The following CAND1 variants were observed in gnomAD, a reference collection of about 807,000 sequenced individuals.
The protein encoded by CAND1 is cullin-associated NEDD8-dissociated protein 1.
In CAND1, 7 loss-of-function variants were observed where a neutral mutation model predicts 108.5. The ratio of observed to expected loss-of-function variants is 0.06; its 90% CI spans 0.04 to 0.12. The LOEUF is 0.12. Ranked by LOEUF, CAND1 falls within the 10% of genes least tolerant of loss-of-function variation. The probability of loss-of-function intolerance (pLI) is 1.00; values close to 1 mark genes in which losing one functional copy is unlikely to be tolerated. For missense variants in CAND1, 941 were observed against 1,448.7 expected, an observed-to-expected ratio of 0.65 and a Z score of 5.69; for synonymous variants, 534 against 512.0, an observed-to-expected ratio of 1.04 and a Z score of -0.58.
Position 67,305,270 on chromosome 12 carries a change from A to G in CAND1, c.1602A>G (p.Lys534=). 1.2e-6 allele frequency: 2 copies of G among 1,614,116 alleles called. No homozygotes were observed. The highest frequency in any genetic ancestry group is 1.7e-6 in the Non-Finnish European group (2 of 1,180,018). Residue 534 remains lysine (K), a synonymous_variant, in exon 10 of 15, where the codon AAA becomes AAG. Transcript: ENST00000545606. The surrounding 1 kb of genome is among the most constrained non-coding windows in gnomAD (Gnocchi z 4.4). Reference sequence around the variant, plus strand: ...CTTGTGTTGGAGACCCATTTTACAAAATTACATCTGAAGCACTTCTTGTTA... The same window carrying G: ...CTTGTGTTGGAGACCCATTTTACAAGATTACATCTGAAGCACTTCTTGTTA... The part of the protein sequence containing the change: ...VVACVGDPFY[K]ITSEALLVTQ...
chr12:67,278,444 C>T (rs1473282120), intron 1 of CAND1, among the ~76,000 whole-genome samples: 1 of 151,926 alleles, frequency 6.6e-6, no homozygotes, highest in African/African-American at 2.4e-5. Context: ...CCACCATGCC[C>T]AGCTCCTACT....
At chr12:67,309,238 A>G (rs2044923200) in intron 11 of CAND1, among the ~76,000 whole-genome samples, 1 of 151,986 alleles carries the variant, frequency 6.6e-6, no homozygotes, top group Non-Finnish European at 1.5e-5. Context: ...TCTTTGCATT[A>G]TACTTTCTTG....
rs1433649347 is a variant in CAND1, at chr12:67,294,114, T to C, written c.368-919T>C. On this transcript the variant is annotated intron_variant, in intron 3 of 14. Coordinates refer to ENST00000545606, the MANE Select transcript of CAND1 (RefSeq NM_018448.5). ...ATTTCACCAACTCAGAAGTATGTTA[T>C]TTATAATTGTATTAGCTATGTATAT... 2.6e-5 allele frequency among the ~76,000 whole-genome samples: 4 copies of C among 152,214 alleles called. No homozygotes were observed. In the East Asian group the frequency reaches 5.8e-4, roughly 22 times the overall value.
At chr12:67,278,285 A>G (rs956219871) in intron 1 of CAND1, among the ~76,000 whole-genome samples, 2 of 151,692 alleles carry the variant, frequency 1.3e-5, no homozygotes, top group African/African-American at 4.8e-5. Flanking sequence ...AGCCTCCCAA[A>G]TAGGTGGGAT....
In CAND1 at chr12:67,293,697, G is replaced by A. The variant is rs1288098575; in HGVS notation, c.367+921G>A. Among the ~76,000 whole-genome samples, 3 of 152,222 alleles carry A rather than the reference G, an allele frequency of 2.0e-5. 1 individual carries two copies. Among genetic ancestry groups the A allele is most frequent in the Middle Eastern group, 6.8e-3 (2 of 294 alleles). On this transcript the variant is annotated intron_variant, in intron 3 of 14. Transcript: ENST00000545606. ...TAACTCAGGAGGCGGAGGTTGTGGT[G>A]AGCCGAGATGGTGCCATTGCATTCC...
rs992632008 is a variant in CAND1, at chr12:67,289,343, A to G, written c.213-3279A>G. ...AAGTGATTCTCCTGCCCCAGCCTCC[A>G]GAGTAGCTGGGATTACAGGCATGTA... is the stretch of plus-strand genomic sequence containing the variant. On this transcript the variant is annotated intron_variant, in intron 2 of 14. Coordinates refer to ENST00000545606, the MANE Select transcript of CAND1 (RefSeq NM_018448.5). Among the ~76,000 whole-genome samples the G allele has an allele frequency of 8.0e-5, 12 of 150,488 alleles. No individual in the cohort carries two copies. The South Asian group carries it at 2.1e-3, about 26-fold the overall frequency.
intron 4 of CAND1, 67 bp from the exon 5 acceptor site, chr12:67,297,340 C>T: frequency 2.8e-6 from 4 of 1,415,094 alleles, no homozygotes; most frequent in Non-Finnish European, 4.0e-6. Context: ...AGAGGCCAGA[C>T]ATTTAGTAGT....
At chr12:67,301,743 C>T (rs1175913042) in intron 7 of CAND1, among the ~76,000 whole-genome samples, 1 of 152,172 alleles carries the variant, frequency 6.6e-6, no homozygotes, top group African/African-American at 2.4e-5. Flanking sequence ...ATTTGTTCCT[C>T]ACAGCTTATC....
chr12:67,275,527 A>T (rs2044561350), intron 1 of CAND1, among the ~76,000 whole-genome samples: 1 of 151,556 alleles, frequency 6.6e-6, no homozygotes, highest in African/African-American at 2.4e-5. Flanking sequence ...CTGTCTCAAA[A>T]AGAAAAAAAA....
chr12:67,300,939 A>G (rs1473090352), intron 7 of CAND1, among the ~76,000 whole-genome samples: 1 of 152,160 alleles, frequency 6.6e-6, no homozygotes, highest in Admixed American at 6.6e-5. Flanking sequence ...ATCACTTAGT[A>G]TGAATTATAC....
intron 8 of CAND1, among the ~76,000 whole-genome samples, chr12:67,304,078 C>T (rs949830204): frequency 2.0e-5 from 3 of 151,486 alleles, no homozygotes; most frequent in Non-Finnish European, 2.9e-5. Context: ...CAACCTCCGC[C>T]TCCTGGGTTC....
chr12:67,291,784 A>G (rs879492872), intron 2 of CAND1, among the ~76,000 whole-genome samples: 34 of 152,168 alleles, frequency 2.2e-4, no homozygotes, highest in Admixed American at 1.2e-3. Flanking sequence ...GAATTTTTAG[A>G]TGAGGGATGC....
chr12:67,310,102 G>A, intron 12 of CAND1, 32 bp downstream of exon 12: 1 of 1,609,340 alleles, frequency 6.2e-7, no homozygotes, highest in Non-Finnish European at 8.5e-7. Context: ...ATTTGAGCTT[G>A]TCTTTGACTT....
intron 2 of CAND1, among the ~76,000 whole-genome samples, chr12:67,285,693 C>T (rs1363100509): frequency 6.6e-6 from 1 of 152,108 alleles, no homozygotes. Flanking sequence ...TTTTATCATA[C>T]AACATCTCCA....
At chr12:67,294,938 G>A (rs7976686) in intron 3 of CAND1, 95 bp from the exon 4 acceptor site, 110,903 of 1,294,540 alleles carry the variant, frequency 0.086, 11,454 homozygotes, top group African/African-American at 0.5. Flanking sequence ...TCATGATCAA[G>A]TGTGGAGTTG....
At chr12:67,277,494 A>G (rs1233121374) in intron 1 of CAND1, among the ~76,000 whole-genome samples, 1 of 152,150 alleles carries the variant, frequency 6.6e-6, no homozygotes, top group African/African-American at 2.4e-5. Flanking sequence ...GCATTTCAGC[A>G]CTGTGCTTGG....
At chr12:67,271,594 G>GT (rs912752143) in intron 1 of CAND1, among the ~76,000 whole-genome samples, 46 of 152,198 alleles carry the variant, frequency 3.0e-4, no homozygotes, top group African/African-American at 1.1e-3. Flanking sequence ...ATACCTAGTT[G>GT]TTTTTTTCTT....
rs983383130 is a variant in CAND1, at chr12:67,299,700, T to A, written c.1000+605T>A. ...TCCTAAGATTGATGTAATCACACGA[T>A]GATTTATGATATTTACTCTGGAAAG... On this transcript the variant is annotated intron_variant, in intron 7 of 14. Transcript: ENST00000545606. 2.0e-5 allele frequency among the ~76,000 whole-genome samples: 3 copies of A among 152,250 alleles called. No individual in the cohort carries two copies. The East Asian group carries it at 5.8e-4, about 29-fold the overall frequency.
rs138079841 is a variant in CAND1, at chr12:67,302,895, A to G, written c.1293+280A>G. 5.3e-4 allele frequency among the ~76,000 whole-genome samples: 80 copies of G among 152,348 alleles called. No individual in the cohort carries two copies. The Middle Eastern group carries it at 0.014, about 26-fold the overall frequency. On this transcript the variant is annotated intron_variant, in intron 8 of 14. Transcript: ENST00000545606. ...AGAGAAGTCTTAGAGCTGTGGAGTCATACTACTTGCGATCACATAACTGAC... is the reference window on the plus strand; with the variant it reads ...AGAGAAGTCTTAGAGCTGTGGAGTCGTACTACTTGCGATCACATAACTGAC...
Sources: gnomAD v4.1 joint callset for allele counts (sites outside exome capture counted in the v4.1 genomes callset) on GRCh38, gnomAD v4.1.1 for gene constraint, Gnocchi (gnomAD v3.1) non-coding constraint, MANE v1.5 for transcripts, NCBI Gene and HGNC (gene_info 2026-07-23, HGNC 2026-07-21) for gene names.